The following AKAP13 variants were observed in gnomAD, a reference collection of about 807,000 sequenced individuals.
AKAP13 encodes A-kinase anchoring protein 13.
In AKAP13, 80 loss-of-function variants were observed where a neutral mutation model predicts 264.5. The observed-to-expected ratio is 0.30, with a 90% CI of 0.25 to 0.36. AKAP13 has a LOEUF of 0.36. AKAP13 is among the 10% of genes least tolerant of loss of function. The pLI is 1.00. For missense variants in AKAP13, 3,712 were observed against 3,435.2 expected, an observed-to-expected ratio of 1.08 and a Z score of -2.01; for synonymous variants, 1,380 against 1,250.2, an observed-to-expected ratio of 1.10 and a Z score of -2.19.
intron 1 of AKAP13, among the ~76,000 whole-genome samples, chr15:85,393,064 C>T (rs376232252): frequency 1.8e-4 from 27 of 152,284 alleles, no homozygotes; most frequent in Middle Eastern, 6.8e-3. Flanking sequence ...ATCTATCATC[C>T]TTGTCTTGGC....
chr15:85,430,357 T>C (rs2072972595), intron 1 of AKAP13, among the ~76,000 whole-genome samples: 1 of 152,226 alleles, frequency 6.6e-6, no homozygotes, highest in African/African-American at 2.4e-5. Flanking sequence ...TTTAGTTAGT[T>C]AACTTGTCTT....
At chr15:85,467,464 C>T (rs2074787017) in intron 1 of AKAP13, among the ~76,000 whole-genome samples, 1 of 152,086 alleles carries the variant, frequency 6.6e-6, no homozygotes, top group African/African-American at 2.4e-5. Flanking sequence ...TCTCTGTGAA[C>T]ATACACACAG....
At chr15:85,470,646 T>A (rs981895156) in intron 1 of AKAP13, among the ~76,000 whole-genome samples, 1 of 152,218 alleles carries the variant, frequency 6.6e-6, no homozygotes, top group South Asian at 2.1e-4. Flanking sequence ...GCTTTTCTTA[T>A]CCCTCCTTGC....
intron 1 of AKAP13, among the ~76,000 whole-genome samples, chr15:85,429,437 T>A (rs2072933784): frequency 6.6e-6 from 1 of 152,212 alleles, no homozygotes; most frequent in Non-Finnish European, 1.5e-5. Flanking sequence ...AATTCTATCT[T>A]GATTGGACTA....
intron 8 of AKAP13, among the ~76,000 whole-genome samples, chr15:85,631,232 TAG>T (rs1184663109): frequency 6.6e-6 from 1 of 152,146 alleles, no homozygotes; most frequent in Admixed American, 6.5e-5. Flanking sequence ...AGCAAATTTG[TAG>T]AGATAGAAAT....
At chr15:85,501,566 T>C (rs1015773980) in intron 2 of AKAP13, among the ~76,000 whole-genome samples, 1 of 152,252 alleles carries the variant, frequency 6.6e-6, no homozygotes, top group African/African-American at 2.4e-5. Context: ...AGCCTCTGTT[T>C]ATTCCATACC....
intron 2 of AKAP13, among the ~76,000 whole-genome samples, chr15:85,503,841 C>A (rs1567091786): frequency 6.6e-6 from 1 of 152,150 alleles, no homozygotes; most frequent in Non-Finnish European, 1.5e-5. Context: ...AAGAGTGAGC[C>A]TTGAACATGT....
intron 14 of AKAP13, among the ~76,000 whole-genome samples, chr15:85,670,248 C>T (rs2083848199): frequency 6.6e-6 from 1 of 152,028 alleles, no homozygotes. Context: ...CTCTTTATCA[C>T]TCCCCTAAAG....
chr15:85,639,418 A>T lies in AKAP13; in HGVS notation c.4206A>T (p.Ala1402=). 1 of 1,613,262 alleles carries T rather than the reference A, an allele frequency of 6.2e-7. No individual in the cohort carries two copies. Among genetic ancestry groups the T allele is most frequent in the Non-Finnish European group, 8.5e-7 (1 of 1,179,758 alleles). Residue 1402 remains alanine, a synonymous_variant, in exon 9 of 37, where the codon GCA becomes GCT. Transcript: ENST00000394518. The part of the protein sequence containing the change: ...NWCTIEPCPD[A]ASLLASKQSP... ...GTACAATAGAGCCATGCCCTGATGC[A>T]GCATCTCTTCTGGCTTCCAAGCAGA...
intron 1 of AKAP13, among the ~76,000 whole-genome samples, chr15:85,485,023 G>A (rs2075487513): frequency 6.6e-6 from 1 of 152,150 alleles, no homozygotes; most frequent in Non-Finnish European, 1.5e-5. Context: ...ACCCTTCTGA[G>A]CATTTATAGC....
At position 85,578,904 on chromosome 15, in the gene AKAP13, T is replaced by A. The variant is rs768643607; in HGVS notation, c.862-26T>A. The A allele has an allele frequency of 1.9e-6, 3 of 1,593,960 alleles. No individual in the cohort carries two copies. In the Admixed American group the frequency reaches 5.2e-5, roughly 28 times the overall value. ...ACATCTTCTCCTACAGGCAGTTTTTTAAAAGTGTATTTCATTTCCTCCTAG... is the reference window on the plus strand; with the variant it reads ...ACATCTTCTCCTACAGGCAGTTTTTAAAAAGTGTATTTCATTTCCTCCTAG... On this transcript the variant is annotated intron_variant, in intron 6 of 36. Transcript: ENST00000394518.
intron 1 of AKAP13, among the ~76,000 whole-genome samples, chr15:85,472,976 T>G (rs1326226251): frequency 1.3e-5 from 2 of 152,220 alleles, no homozygotes; most frequent in African/African-American, 4.8e-5. Flanking sequence ...CAGCTAGACA[T>G]CTGCTAAATA....
chr15:85,419,935 GTTT>G (rs11452064), intron 1 of AKAP13, among the ~76,000 whole-genome samples: 1 of 77,972 alleles, frequency 1.3e-5, no homozygotes, highest in Non-Finnish European at 2.3e-5. Flanking sequence ...TCTGACTCTT[GTTT>G]TTTTTTTTTT....
intron 30 of AKAP13, 49 bp from the exon 31 acceptor site, chr15:85,734,943 C>T (rs2241267): frequency 0.92 from 1,471,350 of 1,593,866 alleles, 679,416 homozygotes; most frequent in East Asian, 0.97. Flanking sequence ...ACTTGTTTTC[C>T]CCTCATTGAA....
Position 85,543,880 on chromosome 15 carries a change from A to T in AKAP13, c.587A>T (p.His196Leu). Residue 196 changes from histidine to leucine, a missense_variant, in exon 5 of 37, where the codon CAC becomes CTC. Around this residue, in one of 3 missense-constraint regions of AKAP13, gnomAD observed 2,759 missense variants for 2,411.7 expected, o/e 1.14. Transcript: ENST00000394518. Reference protein sequence around the residue: ...KPGGRGALSIHNQEGATPVSL... With the variant: ...KPGGRGALSILNQEGATPVSL... ...GGTGGCCGCGGAGCTCTCAGTATCC[A>T]CAACCAGGAAGGGGCGACGCCTGTG... 6.2e-7 allele frequency: 1 copy of T among 1,614,110 alleles called. No homozygotes were observed. The highest frequency in any genetic ancestry group is 8.5e-7 in the Non-Finnish European group (1 of 1,180,014).
intron 5 of AKAP13, among the ~76,000 whole-genome samples, chr15:85,571,325 T>C (rs183309750): frequency 1.5e-4 from 23 of 152,378 alleles, no homozygotes; most frequent in Non-Finnish European, 2.6e-4. Context: ...TTCAATGTTA[T>C]TGAACTTTTA....
chr15:85,491,352 A>T (rs1024335950), intron 2 of AKAP13, among the ~76,000 whole-genome samples: 1 of 151,872 alleles, frequency 6.6e-6, no homozygotes, highest in South Asian at 2.1e-4. Flanking sequence ...GGCAGATGGG[A>T]TTCTTAGATA....
chr15:85,458,534 A>G (rs937657465), intron 1 of AKAP13, among the ~76,000 whole-genome samples: 3 of 151,076 alleles, frequency 2.0e-5, no homozygotes, highest in Non-Finnish European at 4.4e-5. Flanking sequence ...TCATTCTCCT[A>G]ATGTTATATA....
intron 16 of AKAP13, among the ~76,000 whole-genome samples, chr15:85,688,416 A>G (rs1332385799): frequency 1.3e-5 from 2 of 152,240 alleles, no homozygotes; most frequent in African/African-American, 4.8e-5. Flanking sequence ...CAATAAAACT[A>G]GACCTACATC....
Sources: gnomAD v4.1 joint callset for allele counts (sites outside exome capture counted in the v4.1 genomes callset) on GRCh38, gnomAD v4.1.1 for gene constraint, gnomAD v4.1.1 regional missense constraint, MANE v1.5 for transcripts, NCBI Gene and HGNC (gene_info 2026-07-23, HGNC 2026-07-21) for gene names.